MNT: variants seen among roughly 807,000 people sequenced by gnomAD.
The protein encoded by MNT is MAX network transcriptional repressor.
MNT carries 13 observed loss-of-function variants against 40.7 expected under a neutral mutation model. That is an observed-to-expected ratio of 0.32 (90% CI 0.21 to 0.51). The LOEUF is 0.51. Among genes scored for constraint, MNT ranks in the 20% least tolerant of loss-of-function variants. The pLI, the probability that MNT is intolerant of heterozygous loss-of-function variation, is 0.98. For missense variants in MNT, 757 were observed against 792.0 expected (o/e 0.96, Z 0.53); for synonymous variants, 426 against 354.8 (o/e 1.20, Z -2.26).
In MNT at chr17:2,387,954, G is replaced by A. The variant is rs1026292616; in HGVS notation, c.903C>T (p.His301=). The change falls in exon 5 of 6, where the codon CAC becomes CAT. Residue 301 remains histidine (H), a synonymous_variant. Coordinates refer to ENST00000174618, the MANE Select transcript of MNT (RefSeq NM_020310.3). ...GTACGTCCATCCACTGGCTCAGCTC[G>A]TGCTTGAGCTCTGCCAGCCGCTGCT... The part of the protein sequence containing the change: ...ATQQRLAELK[H]ELSQWMDVLE... 4 of 1,606,854 alleles carry A rather than the reference G, an allele frequency of 2.5e-6. No individual in the cohort carries two copies. In the African/African-American group the frequency reaches 4.0e-5, roughly 16 times the overall value.
At position 2,395,018 on chromosome 17, in the gene MNT, G is replaced by C. The variant is rs142423617; in HGVS notation, c.510C>G (p.Pro170=). 1.9e-6 allele frequency: 3 copies of C among 1,599,224 alleles called. No homozygotes were observed. The highest frequency in any genetic ancestry group is 1.3e-5 in the African/African-American group (1 of 74,502). Residue 170 remains proline (P), a synonymous_variant, in exon 2 of 6, where the codon CCC becomes CCG. Coordinates refer to ENST00000174618, the MANE Select transcript of MNT (RefSeq NM_020310.3). The part of the protein sequence containing the change: ...NGSPKPLQPL[P]TPVLTIAPHP... ...GTGGCGCTATGGTCAGGACAGGCGT[G>C]GGGAGGGGCTGCAAAGGCTTGGGGC...
chr17:2,397,852 C>T (rs1597422659), intron 1 of MNT, among the ~76,000 whole-genome samples: 1 of 152,220 alleles, frequency 6.6e-6, no homozygotes, highest in Non-Finnish European at 1.5e-5. Flanking sequence ...AAAGAATGTT[C>T]TGCACATCCA....
In MNT at chr17:2,390,557, G is replaced by A. The variant is rs188651259; in HGVS notation, c.808-2508C>T. The A allele has an allele frequency of 3.9e-5, 6 of 152,310 alleles. No homozygotes were observed. The East Asian group carries it at 7.7e-4, about 20-fold the overall frequency. 9.4% of individuals were successfully genotyped at this position (152,310 alleles called of 1,614,324 possible). A position where few individuals can be genotyped will look rare whatever the true frequency, so the allele number is the denominator to read the frequency against. ...TGACTAATGCCTGATGATGGGAGAT[G>A]GAACACTTCCATCCCGAAACCAGCC... On this transcript the variant is annotated intron_variant, in intron 4 of 5. Transcript: ENST00000174618.
intron 2 of MNT, among the ~76,000 whole-genome samples, chr17:2,394,590 C>CA (rs970334009): frequency 6.6e-6 from 1 of 152,122 alleles, no homozygotes; most frequent in African/African-American, 2.4e-5. Context: ...TCCTGGGACT[C>CA]AGAGGCAGCC....
At chr17:2,393,201 C>A (rs1480807679) in intron 4 of MNT, among the ~76,000 whole-genome samples, 4 of 151,444 alleles carry the variant, frequency 2.6e-5, no homozygotes, top group African/African-American at 9.7e-5. Flanking sequence ...TCCGCGTCTC[C>A]GCGGCTGCCG....
chr17:2,390,422 C>CGCTCTGATCCT (rs763251321), intron 4 of MNT: 3 of 152,270 alleles, frequency 2.0e-5, no homozygotes, highest in Non-Finnish European at 2.9e-5. Context: ...GCAGCGATGG[C>CGCTCTGATCCT]GCTCTGATCC....
chr17:2,388,176 G>A (rs1481925071), intron 4 of MNT, 127 bp from the exon 5 acceptor site: 2 of 862,910 alleles, frequency 2.3e-6, no homozygotes, highest in African/African-American at 3.4e-5. Context: ...GGCCCAGCCT[G>A]ACGGGGGCTG....
intron 1 of MNT, 100 bp from the exon 2 acceptor site, chr17:2,395,554 A>AC: frequency 6.5e-7 from 1 of 1,543,504 alleles, no homozygotes; most frequent in Non-Finnish European, 8.7e-7. Context: ...ACTCAGTGAC[A>AC]CCCCTGCTCA....
At chr17:2,398,827 C>T (rs1228638375) in intron 1 of MNT, among the ~76,000 whole-genome samples, 1 of 152,220 alleles carries the variant, frequency 6.6e-6, no homozygotes, top group Non-Finnish European at 1.5e-5. Flanking sequence ...CCAGACCCTG[C>T]TCTGGACCAT....
At chr17:2,397,014 C>T (rs2066582882) in intron 1 of MNT, among the ~76,000 whole-genome samples, 1 of 152,220 alleles carries the variant, frequency 6.6e-6, no homozygotes, top group South Asian at 2.1e-4. Flanking sequence ...GGCCTGCTCC[C>T]AGCCCCGCCC....
In MNT at chr17:2,387,166, G is replaced by T; in HGVS notation, c.1484C>A (p.Pro495His). The T allele has an allele frequency of 1.2e-6, 2 of 1,604,540 alleles. No homozygotes were observed. The highest frequency in any genetic ancestry group is 1.7e-6 in the Non-Finnish European group (2 of 1,176,440). Residue 495 changes from proline to histidine, a missense_variant, in exon 6 of 6, where the codon CCT (proline) becomes CAT (histidine). By Grantham distance (77) the Pro-to-His change is moderately conservative. Transcript: ENST00000174618. ...TPPIGHITVHPATLNHVAHLG... is the reference protein window; with the variant it reads ...TPPIGHITVHHATLNHVAHLG... ...GTGGGCCACATGGTTGAGGGTGGCA[G>T]GGTGCACAGTGATGTGCCCAATGGG...
Position 2,395,444 on chromosome 17 carries a change from C to T in MNT, c.84G>A (p.Glu28=). 1 of 1,612,368 alleles carries T rather than the reference C, an allele frequency of 6.2e-7. No individual in the cohort carries two copies. Among genetic ancestry groups the T allele is most frequent in the Middle Eastern group, 1.7e-4 (1 of 6,060 alleles). The change falls in exon 2 of 6, where the codon GAG becomes GAA. Residue 28 remains glutamate (E), a synonymous_variant. Transcript: ENST00000174618. ...QQQQRAREEQ[E]RLRLEQEREQ... is the part of the protein sequence containing the mutation. ...CTCGCTCCTGCTCCAAGCGAAGCCG[C>T]TCCTGCTCCTCTACACAGAGAGAAC...
chr17:2,384,212 A>G lies in MNT; in HGVS notation c.*2689T>C, dbSNP rs2066435686. On this transcript the variant is annotated 3_prime_UTR_variant, in exon 6 of 6. Coordinates refer to ENST00000174618, the MANE Select transcript of MNT (RefSeq NM_020310.3). ...GAATACAGTTCAATAGTAAAAATAC[A>G]GTATGTACAAAATTAGGGTTTTTGT... 6.6e-6 allele frequency: 1 copy of G among 152,456 alleles called. No individual in the cohort carries two copies. Among genetic ancestry groups the G allele is most frequent in the Admixed American group, 6.5e-5 (1 of 15,270 alleles). The allele number at this position is 152,456 out of a possible 1,614,324, so 9.4% of individuals were successfully genotyped here.
At chr17:2,392,459 T>C (rs557900269) in intron 4 of MNT, among the ~76,000 whole-genome samples, 1 of 152,304 alleles carries the variant, frequency 6.6e-6, no homozygotes, top group East Asian at 1.9e-4. Context: ...CCTCTGCAAG[T>C]AGTATCTGCA....
At chr17:2,395,956 A>C (rs937272022) in intron 1 of MNT, among the ~76,000 whole-genome samples, 1 of 152,186 alleles carries the variant, frequency 6.6e-6, no homozygotes, top group African/African-American at 2.4e-5. Flanking sequence ...AATGTTTACC[A>C]AGCACTTTCT....
At chr17:2,393,997 G>C (rs1297847253) in intron 4 of MNT, 46 bp downstream of exon 4, 13 of 1,402,182 alleles carry the variant, frequency 9.3e-6, no homozygotes, top group Non-Finnish European at 1.3e-5. Flanking sequence ...GGGCGGCGGA[G>C]GGAGGGCGGG....
intron 4 of MNT, 36 bp downstream of exon 4, chr17:2,393,993 CGGAGGGAGGGCGGG>C (rs2066550712): frequency 1.5e-6 from 2 of 1,339,492 alleles, no homozygotes; most frequent in Non-Finnish European, 2.0e-6. Flanking sequence ...GGAGGGGCGG[CGGAGGGAGGGCGGG>C]GGAAGCTGCG....
At position 2,387,876 on chromosome 17, in the gene MNT, G is replaced by A; in HGVS notation, c.981C>T (p.Ala327=). Residue 327 remains alanine (A), a synonymous_variant, in exon 5 of 6, where the codon GCC becomes GCT. Transcript: ENST00000174618. ...GCTCACCAGAGGCGGTGGAGGTGGA[G>A]GCCTGGTCATCCTCGGGCTGGCCCG... The part of the protein sequence containing the change: ...RQTGQPEDDQ[A]STSTASEGED... The A allele has an allele frequency of 3.1e-6, 5 of 1,600,804 alleles. No individual in the cohort carries two copies. Among genetic ancestry groups the A allele is most frequent in the Non-Finnish European group, 3.4e-6 (4 of 1,177,940 alleles).
Position 2,395,289 on chromosome 17 carries a change from AGTGGTG to A in MNT, c.233_238del (p.Pro78_Pro79del). 8.2e-7 allele frequency: 1 copy of A among 1,218,888 alleles called. No homozygotes were observed. Among genetic ancestry groups the A allele is most frequent in the Non-Finnish European group, 1.1e-6 (1 of 912,766 alleles). 75.5% of individuals were successfully genotyped at this position (1,218,888 alleles called of 1,614,324 possible). A position where few individuals can be genotyped will look rare whatever the true frequency, so the allele number is the denominator to read the frequency against. On this transcript the variant is annotated inframe_deletion, in exon 2 of 6. Transcript: ENST00000174618. ...GACAGTCAGTGGGGCAGGGGTGGCA[AGTGGTG>A]GTGGGGGTGCCGGCGGGGGAGCCGG... is the stretch of plus-strand genomic sequence containing the variant.
Sources: allele counts gnomAD v4.1 joint callset (sites outside exome capture counted in the v4.1 genomes callset), GRCh38; gene constraint gnomAD v4.1.1; transcripts MANE v1.5; gene names NCBI Gene and HGNC (gene_info 2026-07-23, HGNC 2026-07-21).